PBX1: variants seen among roughly 807,000 people sequenced by gnomAD.
The protein encoded by PBX1 is PBX homeobox 1.
Under a neutral mutation model 53.4 loss-of-function variants are expected in PBX1, and 6 were observed. The observed-to-expected ratio is 0.11, with a 90% CI of 0.06 to 0.22. The LOEUF (loss-of-function observed/expected upper bound fraction) is 0.22. PBX1 is among the 10% of genes least tolerant of loss of function. PBX1 has a pLI of 1.00. For synonymous variants in PBX1, 204 were observed against 212.3 expected (o/e 0.96, Z 0.34); for missense variants, 251 against 551.4 (o/e 0.46, Z 5.46).
rs542535915 is a variant in PBX1, at chr1:164,800,016, G to A, written c.701+127G>A. The A allele has an allele frequency of 4.8e-5, 40 of 833,548 alleles. No homozygotes were observed. The South Asian group carries it at 6.9e-4, about 14-fold the overall frequency. 51.6% of individuals were successfully genotyped at this position (833,548 alleles called of 1,614,324 possible). A position where few individuals can be genotyped will look rare whatever the true frequency, so the allele number is the denominator to read the frequency against. ...ACGCTGAACCAAGTGATACCCTGAG[G>A]ATGGTTCTGCGAGACTAGATGGGCC... is the stretch of plus-strand genomic sequence containing the variant. On this transcript the variant is annotated intron_variant, in intron 4 of 8. Transcript: ENST00000420696.
At chr1:164,564,192 G>C (rs1167777023) in intron 2 of PBX1, among the ~76,000 whole-genome samples, 2 of 152,158 alleles carry the variant, frequency 1.3e-5, no homozygotes, top group Non-Finnish European at 2.9e-5. Flanking sequence ...GTTATATAAA[G>C]CGGGAGCTTC....
At chr1:164,598,476 A>G (rs1024613389) in intron 2 of PBX1, among the ~76,000 whole-genome samples, 1 of 152,140 alleles carries the variant, frequency 6.6e-6, no homozygotes, top group Non-Finnish European at 1.5e-5. Context: ...AACCTTGTGG[A>G]TGGATGACTA....
chr1:164,624,264 T>G lies in PBX1; in HGVS notation c.265+60953T>G, dbSNP rs1657890046. On this transcript the variant is annotated intron_variant, in intron 2 of 8. Coordinates refer to ENST00000420696, the MANE Select transcript of PBX1 (RefSeq NM_002585.4). Reference sequence around the variant, plus strand: ...CAATTTGTAATGGGAGAGGTACACATAGAAGATAGGTTCTTGTGCCAAAAA... The same window carrying G: ...CAATTTGTAATGGGAGAGGTACACAGAGAAGATAGGTTCTTGTGCCAAAAA... Among the ~76,000 whole-genome samples the G allele has an allele frequency of 2.6e-5, 4 of 152,336 alleles. No homozygotes were observed. In the South Asian group the frequency reaches 6.2e-4, roughly 24 times the overall value.
intron 2 of PBX1, among the ~76,000 whole-genome samples, chr1:164,699,267 C>A (rs935216625): frequency 6.6e-6 from 1 of 152,132 alleles, no homozygotes; most frequent in Non-Finnish European, 1.5e-5. Flanking sequence ...AGATTACTAT[C>A]GAAAATGATG....
At chr1:164,806,475 C>T (rs1184256392) in intron 4 of PBX1, among the ~76,000 whole-genome samples, 1 of 152,030 alleles carries the variant, frequency 6.6e-6, no homozygotes, top group African/African-American at 2.4e-5. Flanking sequence ...TCCCCAGATG[C>T]CTTTTAAAAA....
chr1:164,823,594 A>C (rs549939855), intron 8 of PBX1, among the ~76,000 whole-genome samples: 2 of 98,406 alleles, frequency 2.0e-5, no homozygotes, highest in Non-Finnish European at 3.6e-5. Flanking sequence ...GAAGAGAGAG[A>C]GCAGCAGTCA....
At chr1:164,839,115 A>C (rs548350554) in intron 8 of PBX1, among the ~76,000 whole-genome samples, 1 of 151,304 alleles carries the variant, frequency 6.6e-6, no homozygotes, top group East Asian at 1.9e-4. Context: ...CCTTTGCCCC[A>C]CTCTTGGCTT....
At chr1:164,746,397 G>T (rs1486659461) in intron 2 of PBX1, among the ~76,000 whole-genome samples, 1 of 152,050 alleles carries the variant, frequency 6.6e-6, no homozygotes, top group East Asian at 1.9e-4. Context: ...TCTTCTTCAA[G>T]ATGGAGTCTT....
chr1:164,816,996 A>G (rs1043817730), intron 6 of PBX1: 1 of 152,196 alleles, frequency 6.6e-6, no homozygotes, highest in African/African-American at 2.4e-5. Context: ...CATTATAATC[A>G]TAAGTGATCC....
intron 3 of PBX1, among the ~76,000 whole-genome samples, chr1:164,798,373 G>A (rs1668892251): frequency 6.6e-6 from 1 of 152,190 alleles, no homozygotes; most frequent in Admixed American, 6.5e-5. Context: ...TGCCTTTTTT[G>A]TTGTGAATCT....
At chr1:164,568,422 C>T (rs1219691532) in intron 2 of PBX1, among the ~76,000 whole-genome samples, 1 of 152,136 alleles carries the variant, frequency 6.6e-6, no homozygotes, top group Admixed American at 6.5e-5. Flanking sequence ...TCTCTTATGA[C>T]CCTAAGAAGC....
chr1:164,884,152 T>C (rs1339612383), intron 2 of PBX1, among the ~76,000 whole-genome samples: 1 of 152,168 alleles, frequency 6.6e-6, no homozygotes, highest in African/African-American at 2.4e-5. Context: ...TTTCGTAGAG[T>C]TGCTATGAAG....
chr1:164,562,631 G>T (rs1475120729), intron 1 of PBX1, among the ~76,000 whole-genome samples: 2 of 152,194 alleles, frequency 1.3e-5, no homozygotes, highest in Non-Finnish European at 2.9e-5. Flanking sequence ...TGAACACAGA[G>T]AAATGAATTT....
At chr1:164,718,948 T>C (rs1485987807) in intron 2 of PBX1, among the ~76,000 whole-genome samples, 2 of 152,202 alleles carry the variant, frequency 1.3e-5, no homozygotes, top group Non-Finnish European at 2.9e-5. Flanking sequence ...CTCCTCCAAG[T>C]TGAATCACAC....
At chr1:164,675,561 T>C (rs1211172633) in intron 2 of PBX1, among the ~76,000 whole-genome samples, 3 of 152,116 alleles carry the variant, frequency 2.0e-5, no homozygotes, top group African/African-American at 7.2e-5. Context: ...GGGAACTTTT[T>C]TCATCAGTAA....
intron 3 of PBX1, among the ~76,000 whole-genome samples, chr1:164,798,410 G>A (rs1338648484): frequency 6.6e-6 from 1 of 152,216 alleles, no homozygotes; most frequent in African/African-American, 2.4e-5. Context: ...ATTGCTTTGA[G>A]TGAATCTGTG....
At chr1:164,750,114 A>C (rs1346872161) in intron 2 of PBX1, among the ~76,000 whole-genome samples, 1 of 150,966 alleles carries the variant, frequency 6.6e-6, no homozygotes, top group Non-Finnish European at 1.5e-5. Flanking sequence ...CGGAAGAAAA[A>C]AAAAAAGAGC....
intron 2 of PBX1, among the ~76,000 whole-genome samples, chr1:164,874,218 A>C (rs1403233667): frequency 6.6e-6 from 1 of 152,130 alleles, no homozygotes; most frequent in Non-Finnish European, 1.5e-5. Flanking sequence ...AATATAACTT[A>C]ATATAAGAAC....
At chr1:164,730,835 C>T (rs1210576479) in intron 2 of PBX1, among the ~76,000 whole-genome samples, 1 of 152,132 alleles carries the variant, frequency 6.6e-6, no homozygotes, top group Non-Finnish European at 1.5e-5. Flanking sequence ...CAGTATTTTG[C>T]CATATTTTTT....
Sources: allele counts gnomAD v4.1 joint callset (sites outside exome capture counted in the v4.1 genomes callset), GRCh38; gene constraint gnomAD v4.1.1; transcripts MANE v1.5; gene names NCBI Gene and HGNC (gene_info 2026-07-23, HGNC 2026-07-21).